The following CADM4 variants were observed in gnomAD, a reference collection of about 807,000 sequenced individuals.
CADM4 encodes cell adhesion molecule 4, also known as TSLC1-like 2.
In CADM4, 13 loss-of-function variants were observed where a neutral mutation model predicts 43.9. The ratio of observed to expected loss-of-function variants is 0.30; its 90% confidence interval spans 0.19 to 0.47. CADM4 has a LOEUF of 0.47. CADM4 is among the 20% of genes least tolerant of loss of function. The probability of loss-of-function intolerance (pLI) is 1.00; values close to 1 mark genes in which losing one functional copy is unlikely to be tolerated. For missense variants in CADM4, 420 were observed against 527.0 expected, an observed-to-expected ratio of 0.80 and a Z score of 1.99; for synonymous variants, 209 against 220.9, an observed-to-expected ratio of 0.95 and a Z score of 0.48.
At chr19:43,641,627 A>G (rs990103131), upstream of CADM4, among the ~76,000 whole-genome samples, 11 of 152,092 alleles carry the variant, frequency 7.2e-5, no homozygotes, top group Non-Finnish European at 1.3e-4. Context: ...CGATGGCTCC[A>G]GCAATCCTCT....
At chr19:43,634,034 T>A (rs1973666920) in intron 1 of CADM4, among the ~76,000 whole-genome samples, 1 of 152,032 alleles carries the variant, frequency 6.6e-6, no homozygotes, top group Non-Finnish European at 1.5e-5. Flanking sequence ...CTTTGTGACA[T>A]CATTATTTTC....
chr19:43,625,205 C>T lies in CADM4; in HGVS notation c.801G>A (p.Glu267=), dbSNP rs755311960. 5 of 1,614,140 alleles carry T rather than the reference C, an allele frequency of 3.1e-6. No homozygotes were observed. The African/African-American group carries it at 4.0e-5, about 13-fold the overall frequency. ...RWNRGNESLP[E]RAEAVGETLT... ...GCGTCTCTCCCACGGCCTCCGCCCT[C>T]TCCGGCAAAGACTCATTCCCGCGGT... is the stretch of plus-strand genomic sequence containing the variant. Residue 267 remains glutamate (E), a synonymous_variant, in exon 7 of 9, where the codon GAG becomes GAA. Coordinates refer to ENST00000222374, the MANE Select transcript of CADM4 (RefSeq NM_145296.2). This position sits in a 1 kb window ranked among gnomAD's most constrained non-coding sequence, Gnocchi z 4.5.
chr19:43,626,052 A>C lies in CADM4; in HGVS notation c.665-51T>G, dbSNP rs555172732. 1.0e-4 allele frequency: 165 copies of C among 1,613,064 alleles called. No homozygotes were observed. Among genetic ancestry groups the C allele is most frequent in the Non-Finnish European group, 1.3e-4 (156 of 1,179,386 alleles). ...AGTAGTTTCCAAGCCATCACGCAGG[A>C]CAAGGGGGACCCTCGCGGGTGCGGG... is the stretch of plus-strand genomic sequence containing the variant. On this transcript the variant is annotated intron_variant, in intron 5 of 8. Coordinates refer to ENST00000222374, the MANE Select transcript of CADM4 (RefSeq NM_145296.2). The surrounding 1 kb of genome is among the most constrained non-coding windows in gnomAD (Gnocchi z 5.9).
At chr19:43,638,730 T>C (rs73038875) in intron 1 of CADM4, among the ~76,000 whole-genome samples, 17,541 of 152,210 alleles carry the variant, frequency 0.12, 1,279 homozygotes, top group East Asian at 0.23. Flanking sequence ...TGTGAATGGG[T>C]GAGCAGGGTT....
rs766867144 is a variant in CADM4, at chr19:43,622,706, G to C, written c.*624C>G. ...ACAAATATGGATGGGACAGACGTTG[G>C]GGGAGAAGGTAGAGAGAAGGGGAGC... On this transcript the variant is annotated 3_prime_UTR_variant, in exon 9 of 9. Coordinates refer to ENST00000222374, the MANE Select transcript of CADM4 (RefSeq NM_145296.2). 9 of 152,690 alleles carry C rather than the reference G, an allele frequency of 5.9e-5. No homozygotes were observed. Among genetic ancestry groups the C allele is most frequent in the African/African-American group, 2.2e-4 (9 of 41,404 alleles). The allele number at this position is 152,690 out of a possible 1,614,324, so 9.5% of individuals were successfully genotyped here. A position where few individuals can be genotyped will look rare whatever the true frequency, so the allele number is the denominator to read the frequency against.
rs1192686711 is a variant in CADM4, at chr19:43,626,575, G to A, written c.499+209C>T. Among the ~76,000 whole-genome samples the A allele has an allele frequency of 2.0e-5, 3 of 151,998 alleles. No homozygotes were observed. In the East Asian group the frequency reaches 5.8e-4, roughly 29 times the overall value. ...TTAGAGACAGGGTCTCACAATGTTGGGCAGGTTGAACTCCTGACCTCAAGC... is the reference window on the plus strand; with the variant it reads ...TTAGAGACAGGGTCTCACAATGTTGAGCAGGTTGAACTCCTGACCTCAAGC... On this transcript the variant is annotated intron_variant, in intron 4 of 8. Coordinates refer to ENST00000222374, the MANE Select transcript of CADM4 (RefSeq NM_145296.2). The surrounding 1 kb of genome is among the most constrained non-coding windows in gnomAD (Gnocchi z 5.9).
At position 43,623,292 on chromosome 19, in the gene CADM4, A is replaced by AGC. The variant is rs1555776235; in HGVS notation, c.*36_*37dup. ...TGCAGCTGGCAGTGGGGGGGACCCC[A>AGC]GCCCAGGCCCAGGCCTAGGCCTGGG... On this transcript the variant is annotated 3_prime_UTR_variant, in exon 9 of 9. Transcript: ENST00000222374. The surrounding 1 kb of genome is among the most constrained non-coding windows in gnomAD (Gnocchi z 4.4). 1 of 1,527,682 alleles carries AGC rather than the reference A, an allele frequency of 6.5e-7. No homozygotes were observed. Among genetic ancestry groups the AGC allele is most frequent in the Non-Finnish European group, 9.1e-7 (1 of 1,103,506 alleles). The allele number at this position is 1,527,682 out of a possible 1,614,324, so 94.6% of individuals were successfully genotyped here.
At chr19:43,640,062 G>A (rs1973756945), upstream of CADM4, among the ~76,000 whole-genome samples, 1 of 151,284 alleles carries the variant, frequency 6.6e-6, no homozygotes, top group African/African-American at 2.4e-5. Flanking sequence ...ACAGCGGCGT[G>A]GGAGCAGGTG....
Position 43,627,524 on chromosome 19 carries a change from C to G in CADM4, c.211+120G>C. 1 of 1,295,050 alleles carries G rather than the reference C, an allele frequency of 7.7e-7. No homozygotes were observed. The highest frequency in any genetic ancestry group is 1.0e-6 in the Non-Finnish European group (1 of 952,554). The allele number at this position is 1,295,050 out of a possible 1,614,324, so 80.2% of individuals were successfully genotyped here. Reference sequence around the variant, plus strand: ...AGGACCAGCAGTCCGGGACCCCAGCCCTTTCTTCTCCGAGACCCAGGAGAC... The same window carrying G: ...AGGACCAGCAGTCCGGGACCCCAGCGCTTTCTTCTCCGAGACCCAGGAGAC... On this transcript the variant is annotated intron_variant, in intron 2 of 8. Coordinates refer to ENST00000222374, the MANE Select transcript of CADM4 (RefSeq NM_145296.2). This position sits in a 1 kb window ranked among gnomAD's most constrained non-coding sequence, Gnocchi z 4.0.
At chr19:43,631,359 A>AT (rs1456304594) in intron 1 of CADM4, among the ~76,000 whole-genome samples, 1 of 151,802 alleles carries the variant, frequency 6.6e-6, no homozygotes. Flanking sequence ...AAAAAAAAAA[A>AT]GAAATAAATA....
At chr19:43,635,194 G>A (rs1973683947) in intron 1 of CADM4, among the ~76,000 whole-genome samples, 1 of 151,966 alleles carries the variant, frequency 6.6e-6, no homozygotes, top group Non-Finnish European at 1.5e-5. Context: ...GAGTCTCAAG[G>A]TCATAGTTCC....
At chr19:43,636,088 C>G (rs1973700586) in intron 1 of CADM4, among the ~76,000 whole-genome samples, 1 of 152,020 alleles carries the variant, frequency 6.6e-6, no homozygotes, top group African/African-American at 2.4e-5. Flanking sequence ...CTCCTGAAAA[C>G]TTTTGACTCT....
At chr19:43,635,978 C>T (rs1436310531) in intron 1 of CADM4, among the ~76,000 whole-genome samples, 1 of 150,532 alleles carries the variant, frequency 6.6e-6, no homozygotes, top group Non-Finnish European at 1.5e-5. Flanking sequence ...CCCTAGCTCC[C>T]TCCTCCTTTA....
intron 1 of CADM4, among the ~76,000 whole-genome samples, chr19:43,631,752 T>C (rs143669059): frequency 9.8e-5 from 15 of 152,288 alleles, no homozygotes; most frequent in Non-Finnish European, 1.5e-4. Flanking sequence ...TAGGCAGCCA[T>C]ATTGAACCAT....
rs1973549916 is a variant in CADM4 at position 43,627,562 on chromosome 19, T to C, written c.211+82A>G. On this transcript the variant is annotated intron_variant, in intron 2 of 8. Transcript: ENST00000222374. The surrounding 1 kb of genome is among the most constrained non-coding windows in gnomAD (Gnocchi z 4.0). The stretch of plus-strand genomic sequence containing the variant: ...AGACCCAGGAGACCAAACTCTCAGG[T>C]GTGTCCTCTTTCAGGACATGGGAGC... 2.0e-6 allele frequency: 3 copies of C among 1,472,180 alleles called. No individual in the cohort carries two copies. Among genetic ancestry groups the C allele is most frequent in the East Asian group, 4.6e-5 (2 of 43,438 alleles). The allele number at this position is 1,472,180 out of a possible 1,614,324, so 91.2% of individuals were successfully genotyped here.
rs549189081 is a variant in CADM4 at position 43,625,131 on chromosome 19, T to C, written c.875A>G (p.Glu292Gly). Residue 292 changes from glutamate to glycine, a missense_variant, in exon 7 of 9, where the codon GAG (glutamate) becomes GGG (glycine). Physicochemically the swap from Glu to Gly is moderately conservative, Grantham distance 98 (BLOSUM62 -2). Coordinates refer to ENST00000222374, the MANE Select transcript of CADM4 (RefSeq NM_145296.2). This position sits in a 1 kb window ranked among gnomAD's most constrained non-coding sequence, Gnocchi z 4.5. Reference protein sequence around the residue: ...VSADNGTYTCEASNKHGHARA... With the variant: ...VSADNGTYTCGASNKHGHARA... Reference sequence around the variant, plus strand: ...CGCATGGCCGTGCTTATTGGACGCCTCGCAAGTGTAGGTGCCGTTATCCGC... The same window carrying C: ...CGCATGGCCGTGCTTATTGGACGCCCCGCAAGTGTAGGTGCCGTTATCCGC... 9.3e-6 allele frequency: 15 copies of C among 1,609,504 alleles called. No individual in the cohort carries two copies. Among genetic ancestry groups the C allele is most frequent in the Admixed American group, 1.7e-5 (1 of 59,672 alleles).
At chr19:43,629,972 G>C (rs1229925107) in intron 1 of CADM4, among the ~76,000 whole-genome samples, 1 of 151,882 alleles carries the variant, frequency 6.6e-6, no homozygotes, top group East Asian at 1.9e-4. Flanking sequence ...GCAGTGGCAC[G>C]ATCTCAGCTC....
intron 1 of CADM4, among the ~76,000 whole-genome samples, chr19:43,636,229 G>A (rs924500162): frequency 6.6e-6 from 1 of 152,116 alleles, no homozygotes; most frequent in African/African-American, 2.4e-5. Flanking sequence ...CAAAGTCCCC[G>A]CTGTGGCCCC....
rs1317414433 is a variant in CADM4 at position 43,625,460 on chromosome 19, A to G, written c.756-210T>C. ...TCAGGAATTCTAGCCCAGGCTGAAC[A>G]TGGTGGCTTATGCCTGCAATCCCAG... On this transcript the variant is annotated intron_variant, in intron 6 of 8. Transcript: ENST00000222374. This position sits in a 1 kb window ranked among gnomAD's most constrained non-coding sequence, Gnocchi z 4.5. 6.6e-6 allele frequency among the ~76,000 whole-genome samples: 1 copy of G among 152,164 alleles called. No homozygotes were observed. The highest frequency in any genetic ancestry group is 1.5e-5 in the Non-Finnish European group (1 of 68,014).
Sources: allele counts gnomAD v4.1 joint callset (sites outside exome capture counted in the v4.1 genomes callset), GRCh38; gene constraint gnomAD v4.1.1; non-coding constraint Gnocchi (gnomAD v3.1); transcripts MANE v1.5; gene names NCBI Gene and HGNC (gene_info 2026-07-23, HGNC 2026-07-21).